KCNIP1: variants seen among roughly 807,000 people sequenced by gnomAD.
KCNIP1 encodes A-type potassium channel modulatory protein KCNIP1.
In KCNIP1, 18 loss-of-function variants were observed where a neutral mutation model predicts 33.0. The observed-to-expected ratio is 0.55, with a 90% CI of 0.38 to 0.81. The LOEUF is 0.81. Ranked by LOEUF, KCNIP1 falls within the 30% of genes least tolerant of loss-of-function variation. KCNIP1 has a pLI of 0.00. For synonymous variants in KCNIP1, 93 were observed against 98.3 expected (o/e 0.95, Z 0.32); for missense variants, 238 against 271.6 (o/e 0.88, Z 0.87).
intron 5 of KCNIP1, among the ~76,000 whole-genome samples, chr5:170,731,478 A>G (rs988930953): frequency 5.3e-5 from 8 of 152,132 alleles, no homozygotes; most frequent in African/African-American, 1.9e-4. Flanking sequence ...AGAGGCAGGA[A>G]GATCACTTGA....
chr5:170,626,735 T>A (rs1478103362), intron 1 of KCNIP1, among the ~76,000 whole-genome samples: 1 of 152,168 alleles, frequency 6.6e-6, no homozygotes. Flanking sequence ...GCTGGGTGAA[T>A]GCTGCAGTGA....
chr5:170,412,926 C>T (rs1416052400), intron 1 of KCNIP1, among the ~76,000 whole-genome samples: 4 of 152,154 alleles, frequency 2.6e-5, no homozygotes, highest in African/African-American at 4.8e-5. Flanking sequence ...CACCCAGCCT[C>T]GTGACTATCT....
chr5:170,370,721 A>C (rs953481631), intron 1 of KCNIP1, among the ~76,000 whole-genome samples: 2 of 152,196 alleles, frequency 1.3e-5, no homozygotes, highest in African/African-American at 4.8e-5. Context: ...ACCTGGGCGC[A>C]ATGGCCCAGC....
At chr5:170,449,982 A>T (rs1756208775) in intron 1 of KCNIP1, among the ~76,000 whole-genome samples, 1 of 152,172 alleles carries the variant, frequency 6.6e-6, no homozygotes, top group Non-Finnish European at 1.5e-5. Context: ...AAGGCAGCTG[A>T]ATTTTCTCAG....
At chr5:170,493,008 A>G (rs1185519238) in intron 1 of KCNIP1, among the ~76,000 whole-genome samples, 1 of 152,100 alleles carries the variant, frequency 6.6e-6, no homozygotes, top group Non-Finnish European at 1.5e-5. Flanking sequence ...TTGACCTCCC[A>G]AAGTGCTGGG....
At chr5:170,690,911 G>T (rs1009336010) in intron 1 of KCNIP1, among the ~76,000 whole-genome samples, 1 of 152,200 alleles carries the variant, frequency 6.6e-6, no homozygotes, top group South Asian at 2.1e-4. Context: ...AACTTCCTTT[G>T]ATTAAAGAGT....
upstream of KCNIP1, among the ~76,000 whole-genome samples, chr5:170,503,724 T>TCACACACACACACA (rs70979180): frequency 3.8e-3 from 523 of 136,494 alleles, 5 homozygotes; most frequent in African/African-American, 0.011. Flanking sequence ...CGCACGCACA[T>TCACACACACACACA]CACACACACA....
At chr5:170,723,754 A>C (rs1763911442) in intron 5 of KCNIP1, among the ~76,000 whole-genome samples, 1 of 152,226 alleles carries the variant, frequency 6.6e-6, no homozygotes, top group Admixed American at 6.5e-5. Flanking sequence ...AAAAGGAATC[A>C]GCAGGTAGAA....
chr5:170,384,774 G>C (rs184184423), intron 1 of KCNIP1, among the ~76,000 whole-genome samples: 2 of 152,212 alleles, frequency 1.3e-5, no homozygotes, highest in African/African-American at 4.8e-5. Flanking sequence ...CAAGGGCATG[G>C]ACCATTCTCT....
intron 1 of KCNIP1, among the ~76,000 whole-genome samples, chr5:170,548,489 G>T (rs1238382770): frequency 6.6e-6 from 1 of 152,184 alleles, no homozygotes; most frequent in Non-Finnish European, 1.5e-5. Flanking sequence ...TAACTCAAGA[G>T]AGGTAACAAC....
chr5:170,695,519 A>G (rs1437180705), intron 1 of KCNIP1, among the ~76,000 whole-genome samples: 1 of 152,228 alleles, frequency 6.6e-6, no homozygotes, highest in Non-Finnish European at 1.5e-5. Flanking sequence ...TGCACTGTAT[A>G]TTCATCCGTG....
Position 170,489,652 on chromosome 5 carries a change from T to G in KCNIP1, c.88+135688T>G, listed in dbSNP as rs970486720. On this transcript the variant is annotated intron_variant, in intron 1 of 7. Coordinates refer to the KCNIP1 transcript ENST00000377360. The surrounding 1 kb of genome is among the most constrained non-coding windows in gnomAD (Gnocchi z 4.3). Reference sequence around the variant, plus strand: ...CCAGAACTGTGCTTGGTCTTGAAGTTGAAAGGTAGCAATCACTCATACTCC... The same window carrying G: ...CCAGAACTGTGCTTGGTCTTGAAGTGGAAAGGTAGCAATCACTCATACTCC... Among the ~76,000 whole-genome samples, 2 of 152,222 alleles carry G rather than the reference T, an allele frequency of 1.3e-5. No individual in the cohort carries two copies. Among genetic ancestry groups the G allele is most frequent in the African/African-American group, 4.8e-5 (2 of 41,460 alleles).
intron 1 of KCNIP1, among the ~76,000 whole-genome samples, chr5:170,674,152 G>A (rs1299151039): frequency 3.2e-5 from 2 of 62,328 alleles, no homozygotes; most frequent in Non-Finnish European, 5.7e-5. Flanking sequence ...AGGAAGGAAG[G>A]AAGGAAGGAA....
chr5:170,542,379 A>T (rs1167241700), intron 1 of KCNIP1, among the ~76,000 whole-genome samples: 1 of 152,198 alleles, frequency 6.6e-6, no homozygotes. Context: ...CAGCTTTTAA[A>T]TCTAAAATGT....
At chr5:170,418,074 A>G (rs939921249) in intron 1 of KCNIP1, among the ~76,000 whole-genome samples, 1 of 151,926 alleles carries the variant, frequency 6.6e-6, no homozygotes, top group African/African-American at 2.4e-5. Flanking sequence ...CCCTCCTTTA[A>G]TTTTTTACAT....
intron 1 of KCNIP1, among the ~76,000 whole-genome samples, chr5:170,711,586 C>T (rs1197777881): frequency 6.6e-6 from 1 of 152,162 alleles, no homozygotes; most frequent in Non-Finnish European, 1.5e-5. Context: ...ATATCAATAC[C>T]GGTTCATCAA....
chr5:170,699,446 A>G (rs1271209184), intron 1 of KCNIP1, among the ~76,000 whole-genome samples: 2 of 151,592 alleles, frequency 1.3e-5, no homozygotes, highest in Non-Finnish European at 2.9e-5. Flanking sequence ...TTCAATAATT[A>G]TCACACCTCC....
intron 1 of KCNIP1, among the ~76,000 whole-genome samples, chr5:170,696,085 A>C (rs1175951942): frequency 6.6e-6 from 1 of 151,040 alleles, no homozygotes; most frequent in Non-Finnish European, 1.5e-5. Flanking sequence ...CCTCTTCCTG[A>C]AACTGCTTTC....
rs1172682851 is a variant in KCNIP1, at chr5:170,464,449, A to G, written c.88+110485A>G. Among the ~76,000 whole-genome samples the G allele has an allele frequency of 3.3e-5, 5 of 152,254 alleles. No individual in the cohort carries two copies. In the South Asian group the frequency reaches 6.2e-4, roughly 19 times the overall value. On this transcript the variant is annotated intron_variant, in intron 1 of 7. Transcript: ENST00000377360. Reference sequence around the variant, plus strand: ...AGCCAAAACAATCCTGATAAAGAACAAAGCTAGACAAAGTCCATCTTGCAC... The same window carrying G: ...AGCCAAAACAATCCTGATAAAGAACGAAGCTAGACAAAGTCCATCTTGCAC...
Sources: allele counts gnomAD v4.1 joint callset (sites outside exome capture counted in the v4.1 genomes callset), GRCh38; gene constraint gnomAD v4.1.1; non-coding constraint Gnocchi (gnomAD v3.1); transcripts MANE v1.5; gene names NCBI Gene and HGNC (gene_info 2026-07-23, HGNC 2026-07-21).